The following PTPRD variants were observed in gnomAD, a reference collection of about 807,000 sequenced individuals.
PTPRD encodes receptor-type tyrosine-protein phosphatase delta.
A neutral mutation model predicts 214.5 loss-of-function variants in PTPRD; 34 were observed. That is an observed-to-expected ratio of 0.16 (90% CI 0.12 to 0.21). The LOEUF is 0.21. Among genes scored for constraint, PTPRD ranks in the 10% least tolerant of loss-of-function variants. The pLI, the probability that PTPRD is intolerant of heterozygous loss-of-function variation, is 1.00. For missense variants in PTPRD, 2,545 were observed against 2,398.7 expected, an observed-to-expected ratio of 1.06 and a Z score of -1.27; for synonymous variants, 1,128 against 845.7, an observed-to-expected ratio of 1.33 and a Z score of -5.79.
chr9:9,395,751 C>T (rs891704830), intron 9 of PTPRD, among the ~76,000 whole-genome samples: 3 of 151,978 alleles, frequency 2.0e-5, no homozygotes, highest in Non-Finnish European at 2.9e-5. Context: ...GCATTCACAA[C>T]GTCAGTAGGA....
intron 3 of PTPRD, among the ~76,000 whole-genome samples, chr9:10,259,982 C>T (rs963354752): frequency 1.3e-5 from 2 of 152,220 alleles, no homozygotes; most frequent in African/African-American, 2.4e-5. Context: ...GAGTTCATCT[C>T]AGGTTCTGAG....
Position 8,489,984 on chromosome 9 carries a change from T to A in PTPRD, c.2467+2878A>T, listed in dbSNP as rs1332714407. Among the ~76,000 whole-genome samples, 10 of 152,196 alleles carry A rather than the reference T, an allele frequency of 6.6e-5. No individual in the cohort carries two copies. The East Asian group carries it at 1.9e-3, about 29-fold the overall frequency. ...TATTCTAGTTGGGAAAATAATCAGGTGGAATAGATTGTGCAATCTGTGGAG... is the reference window on the plus strand; with the variant it reads ...TATTCTAGTTGGGAAAATAATCAGGAGGAATAGATTGTGCAATCTGTGGAG... On this transcript the variant is annotated intron_variant, in intron 27 of 45. Coordinates refer to ENST00000381196, the MANE Select transcript of PTPRD (RefSeq NM_002839.4).
At chr9:10,327,171 G>GTATATATATA (rs33959310) in intron 3 of PTPRD, among the ~76,000 whole-genome samples, 9 of 142,876 alleles carry the variant, frequency 6.3e-5, no homozygotes, top group South Asian at 4.3e-4. Context: ...ATATGTGTGT[G>GTATATATATA]TATATATATA....
At chr9:8,437,156 A>T in intron 34 of PTPRD, 1 of 1,398,002 alleles carries the variant, frequency 7.2e-7, no homozygotes, top group Non-Finnish European at 9.7e-7. Flanking sequence ...GTAGCTTGAT[A>T]GTAAACATAA....
At chr9:9,907,714 G>A (rs553166291) in intron 5 of PTPRD, among the ~76,000 whole-genome samples, 2 of 151,996 alleles carry the variant, frequency 1.3e-5, no homozygotes, top group Admixed American at 1.3e-4. Context: ...ACCAATTTCA[G>A]AAAATACTGT....
chr9:8,506,854 G>T (rs555097186), intron 22 of PTPRD, among the ~76,000 whole-genome samples: 10 of 152,220 alleles, frequency 6.6e-5, no homozygotes, highest in African/African-American at 2.2e-4. Flanking sequence ...TGCTATTGGG[G>T]AATCTTTGAA....
At chr9:9,392,211 T>A (rs577194996) in intron 9 of PTPRD, among the ~76,000 whole-genome samples, 2 of 152,172 alleles carry the variant, frequency 1.3e-5, no homozygotes, top group Non-Finnish European at 2.9e-5. Flanking sequence ...TCTGGGCACA[T>A]TGATGACCGC....
intron 2 of PTPRD, among the ~76,000 whole-genome samples, chr9:10,412,633 AACACACACAC>A (rs150312961): frequency 0.016 from 2,428 of 147,796 alleles, 61 homozygotes; most frequent in African/African-American, 0.054. Flanking sequence ...CACACACACA[AACACACACAC>A]ACACACACAC....
chr9:9,778,197 G>C (rs1024710623), intron 5 of PTPRD, among the ~76,000 whole-genome samples: 1 of 152,168 alleles, frequency 6.6e-6, no homozygotes, highest in African/African-American at 2.4e-5. Flanking sequence ...AAGGAAGTTA[G>C]GAACCCTGCA....
chr9:8,585,379 T>C lies in PTPRD; in HGVS notation c.352+47938A>G, dbSNP rs956364239. Among the ~76,000 whole-genome samples, 9 of 152,282 alleles carry C rather than the reference T, an allele frequency of 5.9e-5. No individual in the cohort carries two copies. In the East Asian group the frequency reaches 1.7e-3, roughly 29 times the overall value. ...TCCTGATGCCCTGGTTCTGTCAAGG[T>C]TTAATCACTAAACTACACCAACTAT... On this transcript the variant is annotated intron_variant, in intron 14 of 45. Coordinates refer to ENST00000381196, the MANE Select transcript of PTPRD (RefSeq NM_002839.4).
chr9:9,890,934 A>G (rs974868506), intron 5 of PTPRD, among the ~76,000 whole-genome samples: 11 of 152,134 alleles, frequency 7.2e-5, no homozygotes, highest in African/African-American at 2.7e-4. Context: ...TCTAAATTAC[A>G]TTGAATTTGA....
intron 2 of PTPRD, among the ~76,000 whole-genome samples, chr9:10,376,104 T>C (rs1407371092): frequency 6.6e-6 from 1 of 152,012 alleles, no homozygotes; most frequent in East Asian, 1.9e-4. Flanking sequence ...TCATCTCATA[T>C]TTAATGTGCT....
rs780092033 is a variant in PTPRD at position 8,518,160 on chromosome 9, G to C, written c.1231C>G (p.Gln411Glu). 1 of 1,614,162 alleles carries C rather than the reference G, an allele frequency of 6.2e-7. No homozygotes were observed. Among genetic ancestry groups the C allele is most frequent in the South Asian group, 1.1e-5 (1 of 91,082 alleles). The change falls in exon 21 of 46, where the codon CAA (glutamine) becomes GAA (glutamate). Residue 411 changes from glutamine to glutamate, a missense_variant. Physicochemically the swap from Gln to Glu is conservative, Grantham distance 29. Coordinates refer to ENST00000381196, the MANE Select transcript of PTPRD (RefSeq NM_002839.4). Reference protein sequence around the residue: ...RGPPSEPVLTQTSEQAPSSAP... With the variant: ...RGPPSEPVLTETSEQAPSSAP... Reference sequence around the variant, plus strand: ...CTGGATGGTGCTTGCTCTGAGGTTTGTGTTAGCACAGGTTCGCTGGGAGGC... The same window carrying C: ...CTGGATGGTGCTTGCTCTGAGGTTTCTGTTAGCACAGGTTCGCTGGGAGGC...
chr9:9,482,793 G>A (rs2095473340), intron 8 of PTPRD, among the ~76,000 whole-genome samples: 1 of 152,098 alleles, frequency 6.6e-6, no homozygotes, highest in South Asian at 2.1e-4. Flanking sequence ...CCTCCTTAGG[G>A]CAGCATTTTG....
intron 7 of PTPRD, among the ~76,000 whole-genome samples, chr9:9,637,137 A>G (rs1474576947): frequency 6.6e-6 from 1 of 152,170 alleles, no homozygotes; most frequent in Non-Finnish European, 1.5e-5. Context: ...CAACACATGA[A>G]TTGTGGGGGA....
Position 10,515,583 on chromosome 9 carries a change from T to C in PTPRD, c.-600+96815A>G, listed in dbSNP as rs115914342. 6.3e-3 allele frequency among the ~76,000 whole-genome samples: 956 copies of C among 151,426 alleles called. 14 individuals are homozygous for C. The highest frequency in any genetic ancestry group is 0.022 in the African/African-American group (895 of 41,396). ...TTATTGTTTTAATTTTTATTTAAAA[T>C]TTGTAGTAAGAATACTTAATATAAG... On this transcript the variant is annotated intron_variant, in intron 2 of 45. Transcript: ENST00000381196.
intron 2 of PTPRD, among the ~76,000 whole-genome samples, chr9:10,496,101 C>T (rs562035285): frequency 1.3e-5 from 2 of 151,472 alleles, no homozygotes; most frequent in African/African-American, 4.8e-5. Context: ...AGAAACAAAA[C>T]CATAATTTCA....
At chr9:9,662,326 A>C (rs1244177805) in intron 7 of PTPRD, among the ~76,000 whole-genome samples, 1 of 151,674 alleles carries the variant, frequency 6.6e-6, no homozygotes, top group Non-Finnish European at 1.5e-5. Flanking sequence ...TGTATACCTT[A>C]GGTAGTTAAC....
intron 7 of PTPRD, among the ~76,000 whole-genome samples, chr9:9,670,061 G>T (rs937080235): frequency 1.3e-5 from 2 of 152,098 alleles, no homozygotes; most frequent in Non-Finnish European, 2.9e-5. Context: ...ACAGTAAATT[G>T]GAGTAATATT....
Sources: gnomAD v4.1 joint callset for allele counts (sites outside exome capture counted in the v4.1 genomes callset) on GRCh38, gnomAD v4.1.1 for gene constraint, MANE v1.5 for transcripts, NCBI Gene and HGNC (gene_info 2026-07-23, HGNC 2026-07-21) for gene names.